The following SPSB4 variants were observed in gnomAD, a reference collection of about 807,000 sequenced individuals.
SPSB4 encodes splA/ryanodine receptor domain and SOCS box containing 4, also known as SPRY domain-containing SOCS box protein 4.
SPSB4 carries 21 observed loss-of-function variants against 20.9 expected under a neutral mutation model. That is an observed-to-expected ratio of 1.01 (90% CI 0.71 to 1.45). The LOEUF is 1.45. SPSB4 is among the 40% of genes most tolerant of loss of function. The pLI is 0.00. For missense variants in SPSB4, 399 were observed against 399.2 expected (o/e 1.00, Z 0.00); for synonymous variants, 207 against 183.8 (o/e 1.13, Z -1.02).
At chr3:141,117,992 G>A (rs187405388) in intron 2 of SPSB4, among the ~76,000 whole-genome samples, 1 of 152,330 alleles carries the variant, frequency 6.6e-6, no homozygotes, top group Admixed American at 6.5e-5. Context: ...ATTGTAGCAT[G>A]ATTTATAACC....
At chr3:141,086,631 C>A (rs1204777058) in intron 2 of SPSB4, among the ~76,000 whole-genome samples, 1 of 152,188 alleles carries the variant, frequency 6.6e-6, no homozygotes, top group African/African-American at 2.4e-5. Flanking sequence ...TTCTAAGCCC[C>A]AGTTTCTTTA....
intron 1 of SPSB4, among the ~76,000 whole-genome samples, chr3:141,052,806 C>G (rs1936118574): frequency 6.6e-6 from 1 of 152,170 alleles, no homozygotes; most frequent in South Asian, 2.1e-4. Flanking sequence ...GGGTCAGAGA[C>G]TTGAGCGCGG....
chr3:141,063,598 A>G (rs1222767558), intron 1 of SPSB4, among the ~76,000 whole-genome samples: 1 of 152,240 alleles, frequency 6.6e-6, no homozygotes, highest in Non-Finnish European at 1.5e-5. Flanking sequence ...GAAATAATCA[A>G]TCACAAAATT....
chr3:141,090,009 T>A (rs899499823), intron 2 of SPSB4, among the ~76,000 whole-genome samples: 1 of 150,912 alleles, frequency 6.6e-6, no homozygotes, highest in African/African-American at 2.4e-5. Flanking sequence ...GTCCCTTGTG[T>A]TTTTGCTCCT....
chr3:141,105,101 C>T (rs148072803), intron 2 of SPSB4, among the ~76,000 whole-genome samples: 120 of 152,344 alleles, frequency 7.9e-4, no homozygotes, highest in African/African-American at 2.8e-3. Context: ...TAGCACCATA[C>T]ATTCAGGAAC....
At chr3:141,065,396 G>T (rs1937844107) in intron 1 of SPSB4, among the ~76,000 whole-genome samples, 1 of 152,188 alleles carries the variant, frequency 6.6e-6, no homozygotes, top group South Asian at 2.1e-4. Context: ...AGGACTCCAG[G>T]GTTGGGAACC....
rs753388367 is a variant in SPSB4 at position 141,147,566 on chromosome 3, C to A, written c.*297C>A. ...GCCACCAACCAGGACACAGCAGCCA[C>A]CGTATTGATCAGAGAGCCTGTTTCC... is the stretch of plus-strand genomic sequence containing the variant. On this transcript the variant is annotated 3_prime_UTR_variant, in exon 3 of 3. Coordinates refer to ENST00000310546, the MANE Select transcript of SPSB4 (RefSeq NM_080862.3). The A allele has an allele frequency of 2.0e-5, 7 of 352,392 alleles. No homozygotes were observed. The highest frequency in any genetic ancestry group is 1.2e-4 in the African/African-American group (6 of 49,556). The allele number at this position is 352,392 out of a possible 1,614,324, so 21.8% of individuals were successfully genotyped here. A position where few individuals can be genotyped will look rare whatever the true frequency, so the allele number is the denominator to read the frequency against.
chr3:141,072,507 A>G (rs1379234228), intron 2 of SPSB4, among the ~76,000 whole-genome samples: 1 of 152,102 alleles, frequency 6.6e-6, no homozygotes, highest in Non-Finnish European at 1.5e-5. Context: ...GGTTGTTTAA[A>G]AGAGCCTGGC....
At position 141,091,330 on chromosome 3, in the gene SPSB4, G is replaced by A. The variant is rs73872046; in HGVS notation, c.694+24532G>A. ...TAGGGATAAAAGCCATAACCACCTC[G>A]TGAGCATTGTCATGGAGATTAGTGA... is the stretch of plus-strand genomic sequence containing the variant. On this transcript the variant is annotated intron_variant, in intron 2 of 2. Transcript: ENST00000310546. 3.0e-3 allele frequency among the ~76,000 whole-genome samples: 456 copies of A among 152,298 alleles called. 1 individual carries two copies. The highest frequency in any genetic ancestry group is 0.011 in the African/African-American group (438 of 41,560).
intron 2 of SPSB4, among the ~76,000 whole-genome samples, chr3:141,110,522 A>T (rs1006730151): frequency 6.6e-6 from 1 of 152,228 alleles, no homozygotes; most frequent in Non-Finnish European, 1.5e-5. Context: ...TTGCTGCTGT[A>T]ACAGACAATC....
intron 2 of SPSB4, among the ~76,000 whole-genome samples, chr3:141,094,734 T>C (rs1224196099): frequency 6.6e-6 from 1 of 152,104 alleles, no homozygotes; most frequent in Non-Finnish European, 1.5e-5. Context: ...GGCTTATTTC[T>C]TGGCCTGAAG....
At chr3:141,089,825 G>T (rs1576526566) in intron 2 of SPSB4, among the ~76,000 whole-genome samples, 1 of 152,172 alleles carries the variant, frequency 6.6e-6, no homozygotes, top group African/African-American at 2.4e-5. Flanking sequence ...CAATTTTTGG[G>T]TGTTGACAGC....
intron 2 of SPSB4, among the ~76,000 whole-genome samples, chr3:141,071,643 C>G (rs1462436206): frequency 6.6e-6 from 1 of 152,164 alleles, no homozygotes; most frequent in African/African-American, 2.4e-5. Flanking sequence ...CCTCCTATGC[C>G]TGGGCCAACC....
intron 2 of SPSB4, among the ~76,000 whole-genome samples, chr3:141,137,146 G>A (rs1939242747): frequency 6.6e-6 from 1 of 152,142 alleles, no homozygotes; most frequent in Non-Finnish European, 1.5e-5. Flanking sequence ...CTGTTTGTCT[G>A]TTATTGGTGT....
chr3:141,121,272 A>G (rs1292386953), intron 2 of SPSB4, among the ~76,000 whole-genome samples: 1 of 152,200 alleles, frequency 6.6e-6, no homozygotes, highest in Non-Finnish European at 1.5e-5. Flanking sequence ...GTTTTTGGCC[A>G]AGAGATTCGC....
chr3:141,087,329 A>G (rs1049117641), intron 2 of SPSB4, among the ~76,000 whole-genome samples: 33 of 152,272 alleles, frequency 2.2e-4, no homozygotes, highest in African/African-American at 7.5e-4. Context: ...TGACAGTCTG[A>G]CGGAGCATGA....
chr3:141,099,616 G>A (rs1938588284), intron 2 of SPSB4, among the ~76,000 whole-genome samples: 1 of 152,148 alleles, frequency 6.6e-6, no homozygotes, highest in South Asian at 2.1e-4. Context: ...AGATTTCTTT[G>A]TTAACCAAAG....
At chr3:141,075,533 A>C (rs1015711516) in intron 2 of SPSB4, among the ~76,000 whole-genome samples, 4 of 152,130 alleles carry the variant, frequency 2.6e-5, no homozygotes, top group Admixed American at 6.5e-5. Flanking sequence ...AACACTTCTC[A>C]AACCTCAGTG....
chr3:141,079,693 A>T (rs1938190120), intron 2 of SPSB4, among the ~76,000 whole-genome samples: 1 of 152,236 alleles, frequency 6.6e-6, no homozygotes, highest in Non-Finnish European at 1.5e-5. Context: ...TAAACCAAGA[A>T]TACATGCTTA....
Sources: gnomAD v4.1 joint callset for allele counts (sites outside exome capture counted in the v4.1 genomes callset) on GRCh38, gnomAD v4.1.1 for gene constraint, MANE v1.5 for transcripts, NCBI Gene and HGNC (gene_info 2026-07-23, HGNC 2026-07-21) for gene names.